UNC13C: variants seen among roughly 807,000 people sequenced by gnomAD.
UNC13C encodes protein unc-13 homolog C.
A neutral mutation model predicts 245.4 loss-of-function variants in UNC13C; 174 were observed. The ratio of observed to expected loss-of-function variants is 0.71; its 90% CI spans 0.63 to 0.80. The LOEUF is 0.80. Ranked by LOEUF, UNC13C falls within the 30% of genes least tolerant of loss-of-function variation. UNC13C has a pLI of 0.00. For synonymous variants in UNC13C, 992 were observed against 895.1 expected, an observed-to-expected ratio of 1.11 and a Z score of -1.93; for missense variants, 2,829 against 2,602.9, an observed-to-expected ratio of 1.09 and a Z score of -1.89.
the UNC13C span, among the ~76,000 whole-genome samples, chr15:53,954,854 T>C: frequency 6.6e-6 from 1 of 152,162 alleles, no homozygotes; most frequent in South Asian, 2.1e-4. Context: ...ATACAGTAAA[T>C]AGACTATATG....
intron 17 of UNC13C, among the ~76,000 whole-genome samples, chr15:54,342,108 C>G (rs763117073): frequency 1.3e-5 from 2 of 151,936 alleles, no homozygotes; most frequent in South Asian, 4.2e-4. Flanking sequence ...TCAATGAACG[C>G]TTGAGTTTTA....
chr15:53,907,531 A>G, the UNC13C span, among the ~76,000 whole-genome samples: 1 of 152,146 alleles, frequency 6.6e-6, no homozygotes, highest in Non-Finnish European at 1.5e-5. Flanking sequence ...TATTCCTCTT[A>G]TATTTTCTTG....
intron 30 of UNC13C, among the ~76,000 whole-genome samples, chr15:54,572,293 A>T (rs1366160955): frequency 6.6e-6 from 1 of 152,182 alleles, no homozygotes; most frequent in Non-Finnish European, 1.5e-5. Context: ...TTAGAAATAC[A>T]GAACTAATTA....
chr15:54,189,636 T>G (rs568155087), intron 4 of UNC13C, among the ~76,000 whole-genome samples: 1 of 152,316 alleles, frequency 6.6e-6, no homozygotes, highest in African/African-American at 2.4e-5. Context: ...AAAAATTGAA[T>G]TTTTTAATGC....
At position 54,601,470 on chromosome 15, in the gene UNC13C, C is replaced by T. The variant is rs188434377; in HGVS notation, c.6107-20857C>T. 5.2e-3 allele frequency among the ~76,000 whole-genome samples: 788 copies of T among 152,262 alleles called. 1 individual carries two copies. Among genetic ancestry groups the T allele is most frequent in the Middle Eastern group, 0.01 (3 of 294 alleles). On this transcript the variant is annotated intron_variant, in intron 30 of 32. Transcript: ENST00000260323. ...ACAGGTTAGGGAGCTTTGGTAGGATCTGAATAGTTACCAATACACAGAAGA... is the reference window on the plus strand; with the variant it reads ...ACAGGTTAGGGAGCTTTGGTAGGATTTGAATAGTTACCAATACACAGAAGA...
chr15:54,264,129 G>A, intron 8 of UNC13C, 39 bp from the exon 9 acceptor site: 20 of 1,540,530 alleles, frequency 1.3e-5, no homozygotes, highest in Non-Finnish European at 1.8e-5. Flanking sequence ...AAAAGTAATG[G>A]CATTTCCATT....
chr15:54,300,286 G>A lies in UNC13C; in HGVS notation c.4181G>A (p.Trp1394Ter). The change falls in exon 13 of 33, where the codon TGG (tryptophan) becomes TAG (stop). Residue 1394 changes from tryptophan to a stop codon, truncating the protein, a stop_gained. Transcript: ENST00000260323. LOFTEE classifies it high-confidence loss of function. ...CCAGAAGTCAAAGGGGATGAAGCCT[G>A]GAAGGTTTTCTTTGATGATGCTTCC... ...KIPEVKGDEAWKVFFDDASQE... is the reference protein window; with the variant it reads ...KIPEVKGDEA 6.3e-7 allele frequency: 1 copy of A among 1,594,050 alleles called. No homozygotes were observed. Among genetic ancestry groups the A allele is most frequent in the Non-Finnish European group, 8.6e-7 (1 of 1,169,266 alleles).
the UNC13C span, among the ~76,000 whole-genome samples, chr15:53,903,816 T>A: frequency 3.1e-5 from 4 of 127,868 alleles, no homozygotes; most frequent in African/African-American, 1.2e-4. Flanking sequence ...AGTTACTTAA[T>A]GACTGAAAAA....
chr15:53,904,665 G>A, the UNC13C span, among the ~76,000 whole-genome samples: 1 of 152,122 alleles, frequency 6.6e-6, no homozygotes, highest in African/African-American at 2.4e-5. Flanking sequence ...GACATCTCAA[G>A]CTTTGTTTCT....
Position 54,274,667 on chromosome 15 carries a change from CT to C in UNC13C, c.3818+9193del, listed in dbSNP as rs10646701. Among the ~76,000 whole-genome samples, 409 of 91,558 alleles carry C rather than the reference CT, an allele frequency of 4.5e-3. 1 individual carries two copies. The highest frequency in any genetic ancestry group is 0.034 in the Middle Eastern group (4 of 118). 60.1% of individuals were successfully genotyped at this position (91,558 alleles called of 152,430 possible). A position where few individuals can be genotyped will look rare whatever the true frequency, so the allele number is the denominator to read the frequency against. The stretch of plus-strand genomic sequence containing the variant: ...ATGGTTAAAAAGCTAATAAAGTAGA[CT>C]TTTTTTTTTTTTTTTTTTTTTGAGA... On this transcript the variant is annotated intron_variant, in intron 10 of 32. Transcript: ENST00000260323.
intron 4 of UNC13C, among the ~76,000 whole-genome samples, chr15:54,197,841 C>A (rs2034405351): frequency 6.6e-6 from 1 of 152,120 alleles, no homozygotes; most frequent in Admixed American, 6.6e-5. Flanking sequence ...TCTGAAGGAA[C>A]TGGATCACTG....
At chr15:54,531,656 A>G (rs1367688919) in intron 25 of UNC13C, among the ~76,000 whole-genome samples, 1 of 148,442 alleles carries the variant, frequency 6.7e-6, no homozygotes, top group Non-Finnish European at 1.5e-5. Context: ...TTTTTTTTTT[A>G]ACAACAAATT....
the UNC13C span, among the ~76,000 whole-genome samples, chr15:53,904,955 G>C: frequency 2.8e-4 from 42 of 152,110 alleles, no homozygotes; most frequent in Admixed American, 2.8e-3. Context: ...TGTTGGATAT[G>C]TTTTTTAAAT....
intron 7 of UNC13C, among the ~76,000 whole-genome samples, chr15:54,239,102 C>T (rs1404377306): frequency 1.3e-5 from 2 of 152,208 alleles, no homozygotes; most frequent in Non-Finnish European, 2.9e-5. Context: ...TATCCTACCT[C>T]CCCAATTTTA....
intron 19 of UNC13C, among the ~76,000 whole-genome samples, chr15:54,445,947 T>C (rs569648294): frequency 6.6e-6 from 1 of 152,342 alleles, no homozygotes; most frequent in African/African-American, 2.4e-5. Context: ...AAGTCTTTAA[T>C]CCATCTTGAA....
intron 2 of UNC13C, among the ~76,000 whole-genome samples, chr15:54,074,216 T>C (rs992710279): frequency 2.0e-5 from 3 of 148,542 alleles, no homozygotes; most frequent in African/African-American, 7.4e-5. Context: ...CTGAGGCCTC[T>C]GTTCTGTTCC....
At chr15:54,467,391 A>T (rs1485920333) in intron 19 of UNC13C, among the ~76,000 whole-genome samples, 1 of 151,670 alleles carries the variant, frequency 6.6e-6, no homozygotes, top group Non-Finnish European at 1.5e-5. Context: ...GATGACTACA[A>T]ATTTCTTTTT....
chr15:54,526,703 C>T (rs1467296218), intron 25 of UNC13C, among the ~76,000 whole-genome samples: 1 of 143,940 alleles, frequency 6.9e-6, no homozygotes, highest in African/African-American at 2.6e-5. Flanking sequence ...GAGATCGCAC[C>T]ACTGCACTCC....
intron 29 of UNC13C, among the ~76,000 whole-genome samples, chr15:54,561,744 C>A (rs1897305374): frequency 6.6e-6 from 1 of 151,868 alleles, no homozygotes; most frequent in Admixed American, 6.6e-5. Flanking sequence ...AGTCATTTCA[C>A]CAATAGGGAA....
Sources: gnomAD v4.1 joint callset for allele counts (sites outside exome capture counted in the v4.1 genomes callset) on GRCh38, gnomAD v4.1.1 for gene constraint, MANE v1.5 for transcripts, NCBI Gene and HGNC (gene_info 2026-07-23, HGNC 2026-07-21) for gene names.